SPIRE2: variants seen among roughly 807,000 people sequenced by gnomAD.
SPIRE2 encodes the protein spire type actin nucleation factor 2.
In SPIRE2, 76 loss-of-function variants were observed where a neutral mutation model predicts 80.7. That is an observed-to-expected ratio of 0.94 (90% CI 0.78 to 1.14). The LOEUF is 1.14. Ranked by LOEUF, SPIRE2 falls within the 50% of genes most tolerant of loss-of-function variation. The pLI is 0.00. For missense variants in SPIRE2, 1,196 were observed against 1,015.3 expected (o/e 1.18, Z -2.42); for synonymous variants, 535 against 432.6 (o/e 1.24, Z -2.94).
chr16:89,831,053 G>A (rs2041375672), intron 1 of SPIRE2, among the ~76,000 whole-genome samples: 1 of 150,398 alleles, frequency 6.6e-6, no homozygotes, highest in African/African-American at 2.4e-5. Context: ...GGGACTACAG[G>A]CGCCCGCCAC....
At chr16:89,855,184 CA>C (rs1375772361) in intron 5 of SPIRE2, among the ~76,000 whole-genome samples, 1 of 152,154 alleles carries the variant, frequency 6.6e-6, no homozygotes, top group African/African-American at 2.4e-5. Context: ...GTGATCTGCC[CA>C]CCTCGGCCTC....
In SPIRE2 at chr16:89,869,164, C is replaced by T. The variant is rs2041817328; in HGVS notation, c.1807-403C>T. Among the ~76,000 whole-genome samples the T allele has an allele frequency of 2.7e-5, 4 of 147,912 alleles. No homozygotes were observed. In the Admixed American group the frequency reaches 2.8e-4, roughly 10 times the overall value. On this transcript the variant is annotated intron_variant, in intron 13 of 14. Coordinates refer to ENST00000378247, the MANE Select transcript of SPIRE2 (RefSeq NM_032451.2). The stretch of plus-strand genomic sequence containing the variant: ...TTTTTAAATCTTACTCTACATCCTG[C>T]CACTTGGCAATGGAAAAACTTCCAC...
chr16:89,842,191 A>C (rs933072181), intron 1 of SPIRE2, among the ~76,000 whole-genome samples: 17 of 142,770 alleles, frequency 1.2e-4, no homozygotes, highest in African/African-American at 4.5e-4. Context: ...AAATACAATT[A>C]GATTCATGAA....
intron 12 of SPIRE2, among the ~76,000 whole-genome samples, chr16:89,866,990 G>A (rs1264030278): frequency 6.6e-6 from 1 of 152,160 alleles, no homozygotes; most frequent in African/African-American, 2.4e-5. Flanking sequence ...TTAAAACTGA[G>A]CATCTCAGTT....
intron 1 of SPIRE2, among the ~76,000 whole-genome samples, chr16:89,829,667 C>T (rs1401475643): frequency 1.4e-5 from 2 of 139,122 alleles, no homozygotes; most frequent in East Asian, 1.9e-4. Context: ...CCGTTGTGCC[C>T]CACCCAAGGG....
In SPIRE2 at chr16:89,863,255, C is replaced by CG; in HGVS notation, c.1576-219dup. The CG allele has an allele frequency of 3.4e-6, 2 of 586,030 alleles. No individual in the cohort carries two copies. Among genetic ancestry groups the CG allele is most frequent in the Non-Finnish European group, 6.0e-6 (2 of 331,642 alleles). The allele number at this position is 586,030 out of a possible 1,614,324, so 36.3% of individuals were successfully genotyped here. ...CGTGGCCAGTGAAGGCTGGGCTGGC[C>CG]GGCAGGGTCCGCTGGTCATGGGAGG... On this transcript the variant is annotated intron_variant, in intron 10 of 14. Coordinates refer to ENST00000378247, the MANE Select transcript of SPIRE2 (RefSeq NM_032451.2). The surrounding 1 kb of genome is among the most constrained non-coding windows in gnomAD (Gnocchi z 4.3).
chr16:89,830,773 A>G (rs550597624), intron 1 of SPIRE2, among the ~76,000 whole-genome samples: 1 of 151,170 alleles, frequency 6.6e-6, no homozygotes, highest in Admixed American at 6.6e-5. Context: ...AAACTAGACC[A>G]TACTTAGGAG....
chr16:89,861,161 C>T (rs1259494995), intron 10 of SPIRE2, among the ~76,000 whole-genome samples: 1 of 152,182 alleles, frequency 6.6e-6, no homozygotes, highest in Non-Finnish European at 1.5e-5. Flanking sequence ...GTGACGCCGC[C>T]ACGGTACTGC....
intron 8 of SPIRE2, 28 bp downstream of exon 8, chr16:89,858,535 G>C (rs749236174): frequency 3.3e-6 from 5 of 1,526,602 alleles, no homozygotes. Context: ...TTCCTGAAAA[G>C]AGACCAGGAA....
rs1480027511 is a variant in SPIRE2, at chr16:89,863,554, G to A, written c.1654G>A (p.Glu552Lys). 8 of 1,613,970 alleles carry A rather than the reference G, an allele frequency of 5.0e-6. No individual in the cohort carries two copies. Among genetic ancestry groups the A allele is most frequent in the African/African-American group, 2.7e-5 (2 of 74,918 alleles). ...MDVRRVLVKA[E>K]MEKFLQNKEL... Reference sequence around the variant, plus strand: ...CGTGCGCCGTGTGCTGGTGAAGGCCGAGATGGAAAAGTTTTTGCAGAACAA... The same window carrying A: ...CGTGCGCCGTGTGCTGGTGAAGGCCAAGATGGAAAAGTTTTTGCAGAACAA... Residue 552 changes from glutamate to lysine, a missense_variant, in exon 11 of 15, where the codon GAG (glutamate) becomes AAG (lysine). By Grantham distance (56) the Glu-to-Lys change is moderately conservative (BLOSUM62 1). Coordinates refer to ENST00000378247, the MANE Select transcript of SPIRE2 (RefSeq NM_032451.2). This position sits in a 1 kb window ranked among gnomAD's most constrained non-coding sequence, Gnocchi z 4.3.
Position 89,845,308 on chromosome 16 carries a change from CT to C in SPIRE2, c.245-13del, listed in dbSNP as rs1567671837. On this transcript the variant is annotated splice_polypyrimidine_tract_variant and intron_variant, in intron 1 of 14. Coordinates refer to ENST00000378247, the MANE Select transcript of SPIRE2 (RefSeq NM_032451.2). ...GGATGCTGACAAATAACTTAACTCC[CT>C]CTTCTCTTACAGAACCTGCAACCAT... is the stretch of plus-strand genomic sequence containing the variant. 18 of 1,606,464 alleles carry C rather than the reference CT, an allele frequency of 1.1e-5. 1 individual carries two copies. The highest frequency in any genetic ancestry group is 6.6e-5 in the South Asian group (6 of 91,074).
intron 9 of SPIRE2, among the ~76,000 whole-genome samples, chr16:89,859,706 C>T (rs1200934246): frequency 6.6e-6 from 1 of 152,146 alleles, no homozygotes; most frequent in Non-Finnish European, 1.5e-5. Context: ...CGTGGGGAGC[C>T]GGCTGGGCTC....
At chr16:89,868,810 G>A (rs1438253877) in intron 13 of SPIRE2, among the ~76,000 whole-genome samples, 2 of 151,774 alleles carry the variant, frequency 1.3e-5, no homozygotes, top group East Asian at 1.9e-4. Context: ...AGCTATGATT[G>A]TGCCACTGCA....
chr16:89,860,537 G>A lies in SPIRE2; in HGVS notation c.1463-146G>A, dbSNP rs564020725. On this transcript the variant is annotated intron_variant, in intron 9 of 14. Coordinates refer to ENST00000378247, the MANE Select transcript of SPIRE2 (RefSeq NM_032451.2). The stretch of plus-strand genomic sequence containing the variant: ...GGCCTCCTAAGTGCTAGAACTGCCC[G>A]TGTAGCTACTGCCCGGCCGCTTCTC... 1.1e-4 allele frequency: 66 copies of A among 604,232 alleles called. 3 individuals carry two copies. Among genetic ancestry groups the A allele is most frequent in the South Asian group, 5.8e-4 (30 of 51,726 alleles). The allele number at this position is 604,232 out of a possible 1,614,324, so 37.4% of individuals were successfully genotyped here. A position where few individuals can be genotyped will look rare whatever the true frequency, so the allele number is the denominator to read the frequency against.
intron 2 of SPIRE2, among the ~76,000 whole-genome samples, chr16:89,849,155 C>G (rs1450797650): frequency 6.6e-6 from 1 of 152,224 alleles, no homozygotes; most frequent in East Asian, 1.9e-4. Flanking sequence ...AAATGAGAGG[C>G]CAAAGGGCCC....
chr16:89,866,529 C>A (rs1391703672), intron 12 of SPIRE2, among the ~76,000 whole-genome samples: 1 of 152,090 alleles, frequency 6.6e-6, no homozygotes, highest in Non-Finnish European at 1.5e-5. Flanking sequence ...CTCCCGACCT[C>A]AGGTGATCGC....
At position 89,863,349 on chromosome 16, in the gene SPIRE2, G is replaced by A; in HGVS notation, c.1576-127G>A. 2 of 1,002,252 alleles carry A rather than the reference G, an allele frequency of 2.0e-6. No homozygotes were observed. The highest frequency in any genetic ancestry group is 2.9e-6 in the Non-Finnish European group (2 of 689,730). 62.1% of individuals were successfully genotyped at this position (1,002,252 alleles called of 1,614,324 possible). A position where few individuals can be genotyped will look rare whatever the true frequency, so the allele number is the denominator to read the frequency against. Reference sequence around the variant, plus strand: ...TGGCTGATGGACAAGATGGCTGATGGACAGCGTTTTAGAAGGTCGCAGGCT... The same window carrying A: ...TGGCTGATGGACAAGATGGCTGATGAACAGCGTTTTAGAAGGTCGCAGGCT... On this transcript the variant is annotated intron_variant, in intron 10 of 14. Coordinates refer to ENST00000378247, the MANE Select transcript of SPIRE2 (RefSeq NM_032451.2). This position sits in a 1 kb window ranked among gnomAD's most constrained non-coding sequence, Gnocchi z 4.3.
chr16:89,836,647 C>T (rs2041452452), intron 1 of SPIRE2, among the ~76,000 whole-genome samples: 1 of 151,970 alleles, frequency 6.6e-6, no homozygotes, highest in South Asian at 2.1e-4. Flanking sequence ...ACGACCTTGA[C>T]CTCTGCTGTG....
chr16:89,859,907 C>CT (rs1339555477), intron 9 of SPIRE2, among the ~76,000 whole-genome samples: 1 of 152,208 alleles, frequency 6.6e-6, no homozygotes, highest in African/African-American at 2.4e-5. Flanking sequence ...GCCAGGCCTC[C>CT]TTGTCTGCCT....
Sources: gnomAD v4.1 joint callset for allele counts (sites outside exome capture counted in the v4.1 genomes callset) on GRCh38, gnomAD v4.1.1 for gene constraint, Gnocchi (gnomAD v3.1) non-coding constraint, MANE v1.5 for transcripts, NCBI Gene and HGNC (gene_info 2026-07-23, HGNC 2026-07-21) for gene names.